Variants in WWOX observed in about 807,000 individuals in gnomAD.
WWOX encodes WW domain containing oxidoreductase, also known as WW domain-containing oxidoreductase.
Under a neutral mutation model 46.2 loss-of-function variants are expected in WWOX, and 69 were observed. The ratio of observed to expected loss-of-function variants is 1.49; its 90% CI spans 1.23 to 1.82. The LOEUF (loss-of-function observed/expected upper bound fraction) is 1.82. Among genes scored for constraint, WWOX ranks in the 40% most tolerant of loss-of-function variants. The probability of loss-of-function intolerance (pLI) is 0.00; values close to 1 mark genes in which losing one functional copy is unlikely to be tolerated. For missense variants in WWOX, 919 were observed against 542.6 expected, an observed-to-expected ratio of 1.69 and a Z score of -6.89; for synonymous variants, 359 against 202.6, an observed-to-expected ratio of 1.77 and a Z score of -6.56.
chr16:78,809,604 A>T (rs1331894736), intron 8 of WWOX, among the ~76,000 whole-genome samples: 1 of 151,876 alleles, frequency 6.6e-6, no homozygotes, highest in Non-Finnish European at 1.5e-5. Context: ...TCCTCCTATC[A>T]GTTTTTCAGA....
At chr16:78,587,582 C>T (rs1164397518) in intron 8 of WWOX, among the ~76,000 whole-genome samples, 2 of 152,088 alleles carry the variant, frequency 1.3e-5, no homozygotes, top group African/African-American at 2.4e-5. Flanking sequence ...TTACCGTAAA[C>T]AGAGATGTTG....
intron 8 of WWOX, among the ~76,000 whole-genome samples, chr16:79,161,557 C>G (rs1337543059): frequency 1.3e-5 from 2 of 152,058 alleles, no homozygotes; most frequent in Non-Finnish European, 2.9e-5. Context: ...GGGTCTTGTT[C>G]CATTGCCCAG....
At chr16:79,057,178 C>T (rs1164392013) in intron 8 of WWOX, among the ~76,000 whole-genome samples, 4 of 151,962 alleles carry the variant, frequency 2.6e-5, no homozygotes, top group African/African-American at 9.7e-5. Flanking sequence ...TGTGAAGTGG[C>T]GTTATAGTTC....
intron 8 of WWOX, among the ~76,000 whole-genome samples, chr16:78,995,733 A>G (rs2046976829): frequency 6.6e-6 from 1 of 152,220 alleles, no homozygotes; most frequent in Admixed American, 6.5e-5. Flanking sequence ...CTAGTCTTCA[A>G]TAAATCACTA....
chr16:78,942,869 C>G (rs1005437563), intron 8 of WWOX, among the ~76,000 whole-genome samples: 1 of 152,194 alleles, frequency 6.6e-6, no homozygotes, highest in Non-Finnish European at 1.5e-5. Flanking sequence ...TCAAAGACAG[C>G]TCTTTAGAAA....
At chr16:78,893,259 C>G (rs1183576621) in intron 8 of WWOX, among the ~76,000 whole-genome samples, 1 of 152,028 alleles carries the variant, frequency 6.6e-6, no homozygotes, top group Non-Finnish European at 1.5e-5. Context: ...AGACATTCTT[C>G]TTTTTTATCT....
chr16:78,790,008 T>C (rs574697772), intron 8 of WWOX, among the ~76,000 whole-genome samples: 19 of 152,354 alleles, frequency 1.2e-4, no homozygotes, highest in Admixed American at 4.6e-4. Context: ...AGTTGTTCTT[T>C]CCTTATTGGA....
At chr16:78,635,256 T>G (rs1446090384) in intron 8 of WWOX, among the ~76,000 whole-genome samples, 1 of 152,156 alleles carries the variant, frequency 6.6e-6, no homozygotes, top group Non-Finnish European at 1.5e-5. Flanking sequence ...AATCTAAACC[T>G]TAAGTATTTT....
intron 8 of WWOX, among the ~76,000 whole-genome samples, chr16:78,670,516 G>A (rs577453170): frequency 6.6e-6 from 1 of 151,988 alleles, no homozygotes; most frequent in African/African-American, 2.4e-5. Flanking sequence ...GTGGGTTATG[G>A]GATAAATGGC....
At chr16:79,014,173 C>T (rs1197492678) in intron 8 of WWOX, among the ~76,000 whole-genome samples, 1 of 152,092 alleles carries the variant, frequency 6.6e-6, no homozygotes, top group Admixed American at 6.5e-5. Flanking sequence ...AAGGAAGGCC[C>T]TGGATTTTGT....
intron 8 of WWOX, among the ~76,000 whole-genome samples, chr16:78,478,686 GT>G (rs1180181538): frequency 6.6e-6 from 1 of 152,230 alleles, no homozygotes; most frequent in Non-Finnish European, 1.5e-5. Context: ...GCAGGAAAGA[GT>G]TTTAATGCAG....
intron 6 of WWOX, among the ~76,000 whole-genome samples, chr16:78,406,046 T>A (rs949386771): frequency 2.0e-5 from 3 of 152,106 alleles, no homozygotes; most frequent in Non-Finnish European, 4.4e-5. Flanking sequence ...TAACATTTTC[T>A]GAGGGTGTCT....
intron 8 of WWOX, among the ~76,000 whole-genome samples, chr16:78,993,232 G>A (rs4888910): frequency 0.1 from 15,098 of 151,490 alleles, 855 homozygotes; most frequent in East Asian, 0.19. Context: ...GCAGTAAGCC[G>A]AGGATAACGG....
intron 8 of WWOX, among the ~76,000 whole-genome samples, chr16:78,746,527 C>T (rs952417639): frequency 1.3e-5 from 2 of 152,064 alleles, no homozygotes; most frequent in Non-Finnish European, 2.9e-5. Context: ...GATATCAGCA[C>T]CCTTGCCATG....
chr16:78,190,079 G>A (rs2035836594), intron 5 of WWOX, among the ~76,000 whole-genome samples: 1 of 152,208 alleles, frequency 6.6e-6, no homozygotes, highest in Non-Finnish European at 1.5e-5. Flanking sequence ...TAGGAACTAT[G>A]AAAGTGAGGG....
intron 8 of WWOX, among the ~76,000 whole-genome samples, chr16:79,144,687 T>C (rs2050152172): frequency 6.6e-6 from 1 of 152,226 alleles, no homozygotes; most frequent in African/African-American, 2.4e-5. Context: ...TAGATTCTTA[T>C]ATAAATTTTA....
At chr16:78,400,015 G>T (rs57774868) in intron 6 of WWOX, among the ~76,000 whole-genome samples, 8,360 of 152,202 alleles carry the variant, frequency 0.055, 415 homozygotes, top group African/African-American at 0.13. Flanking sequence ...ACTGCACTGT[G>T]TTTTTAATAT....
rs114778597 is a variant in WWOX at position 78,531,814 on chromosome 16, C to T, written c.1056+99062C>T. On this transcript the variant is annotated intron_variant, in intron 8 of 8. Coordinates refer to ENST00000566780, the MANE Select transcript of WWOX (RefSeq NM_016373.4). ...CAGAGGTTGTAGTGAGCCAAACTTG[C>T]ACAACTGAACTCCAGCCTGGGCGAC... is the stretch of plus-strand genomic sequence containing the variant. 2.9e-3 allele frequency among the ~76,000 whole-genome samples: 437 copies of T among 152,192 alleles called. 2 individuals carry two copies. Among genetic ancestry groups the T allele is most frequent in the African/African-American group, 0.01 (420 of 41,526 alleles).
chr16:78,347,365 C>G (rs2081111563), intron 5 of WWOX, among the ~76,000 whole-genome samples: 1 of 117,740 alleles, frequency 8.5e-6, no homozygotes, highest in African/African-American at 2.9e-5. Flanking sequence ...ATCCATATGT[C>G]TAGTTCCAAG....
Sources: allele counts gnomAD v4.1 joint callset (sites outside exome capture counted in the v4.1 genomes callset), GRCh38; gene constraint gnomAD v4.1.1; transcripts MANE v1.5; gene names NCBI Gene and HGNC (gene_info 2026-07-23, HGNC 2026-07-21).